Variants in KIDINS220 observed in about 807,000 individuals in gnomAD.
The protein encoded by KIDINS220 is kinase D interacting substrate 220, also known as kinase D-interacting substrate of 220 kDa.
KIDINS220 carries 63 observed loss-of-function variants against 157.6 expected under a neutral mutation model. That is an observed-to-expected ratio of 0.40 (90% CI 0.33 to 0.49). The LOEUF is 0.49. Ranked by LOEUF, KIDINS220 falls within the 20% of genes least tolerant of loss-of-function variation. The pLI is 0.66. For synonymous variants in KIDINS220, 732 were observed against 783.6 expected (o/e 0.93, Z 1.10); for missense variants, 1,772 against 2,171.2 (o/e 0.82, Z 3.65).
rs757018900 is a variant in KIDINS220 at position 8,812,408 on chromosome 2, T to C, written c.491A>G (p.Asn164Ser). The change falls in exon 6 of 30, where the codon AAC becomes AGC. Residue 164 changes from asparagine to serine, a missense_variant. By Grantham distance (46) the Asn-to-Ser change is conservative. Transcript: ENST00000256707. ...HLLLQNGAKV[N>S]CSDKYGTTPL... ...CTGCTGACCTACCTTATCAGAGCAG[T>C]TGACTTTAGCACCATTTTGCAGTAA... The C allele has an allele frequency of 8.8e-6, 14 of 1,595,026 alleles. No individual in the cohort carries two copies. The highest frequency in any genetic ancestry group is 1.1e-5 in the Non-Finnish European group (13 of 1,169,874).
intron 6 of KIDINS220, among the ~76,000 whole-genome samples, chr2:8,807,137 G>A (rs1675561860): frequency 1.3e-5 from 2 of 152,138 alleles, no homozygotes; most frequent in East Asian, 3.9e-4. Flanking sequence ...AGGACACTGA[G>A]GCCCTAAGAG....
In KIDINS220 at chr2:8,812,511, T is replaced by G; in HGVS notation, c.406-18A>C. The G allele has an allele frequency of 1.4e-6, 2 of 1,451,288 alleles. No homozygotes were observed. Among genetic ancestry groups the G allele is most frequent in the Non-Finnish European group, 1.9e-6 (2 of 1,076,246 alleles). The allele number at this position is 1,451,288 out of a possible 1,614,324, so 89.9% of individuals were successfully genotyped here. On this transcript the variant is annotated intron_variant, in intron 5 of 29. Coordinates refer to ENST00000256707, the MANE Select transcript of KIDINS220 (RefSeq NM_020738.4). Reference sequence around the variant, plus strand: ...ACACTGTACTGCTAGGATAGATTGGTTGGTAGGTAGGTAGATAAGTAGGAA... The same window carrying G: ...ACACTGTACTGCTAGGATAGATTGGGTGGTAGGTAGGTAGATAAGTAGGAA...
At chr2:8,785,024 T>C (rs1178336879) in intron 17 of KIDINS220, among the ~76,000 whole-genome samples, 1 of 152,190 alleles carries the variant, frequency 6.6e-6, no homozygotes, top group Non-Finnish European at 1.5e-5. Context: ...AGTAGATAAA[T>C]GTATAAATGA....
rs755360422 is a variant in KIDINS220, at chr2:8,731,971, G to T, written c.4065C>A (p.Arg1355=). 1.3e-6 allele frequency: 2 copies of T among 1,573,256 alleles called. No individual in the cohort carries two copies. Among genetic ancestry groups the T allele is most frequent in the Non-Finnish European group, 1.7e-6 (2 of 1,162,180 alleles). Residue 1355 remains arginine (R), a synonymous_variant, in exon 30 of 30, where the codon CGC becomes CGA. Coordinates refer to ENST00000256707, the MANE Select transcript of KIDINS220 (RefSeq NM_020738.4). This position sits in a 1 kb window ranked among gnomAD's most constrained non-coding sequence, Gnocchi z 5.2. ...HSNLSWQSQT[R]RTPSLSSLNS... ...TGAGACTCGAAAGACTTGGGGTTCT[G>T]CGAGTTTGTGACTGTGAAGACAGAA...
intron 22 of KIDINS220, chr2:8,757,752 A>G (rs555514843): frequency 3.7e-6 from 6 of 1,611,962 alleles, no homozygotes; most frequent in South Asian, 2.2e-5. Context: ...GGAAATGCCA[A>G]TTCGGTCTCG....
chr2:8,836,514 C>A (rs1558519194), intron 1 of KIDINS220, among the ~76,000 whole-genome samples: 1 of 152,346 alleles, frequency 6.6e-6, no homozygotes, highest in South Asian at 2.1e-4. Flanking sequence ...AATCCCATTC[C>A]CTAGATCTGG....
chr2:8,827,429 C>T (rs774309691), intron 1 of KIDINS220, among the ~76,000 whole-genome samples: 2 of 152,166 alleles, frequency 1.3e-5, no homozygotes, highest in Non-Finnish European at 2.9e-5. Flanking sequence ...TGCCAGTAAA[C>T]GGCAGCTCCA....
intron 17 of KIDINS220, among the ~76,000 whole-genome samples, chr2:8,781,841 G>C (rs891580506): frequency 1.3e-5 from 2 of 152,230 alleles, no homozygotes; most frequent in African/African-American, 4.8e-5. Context: ...CAGTAATCTG[G>C]CTGGGTGCAG....
At chr2:8,813,051 C>T (rs982890263) in intron 5 of KIDINS220, among the ~76,000 whole-genome samples, 186 bp downstream of exon 5, 14 of 152,240 alleles carry the variant, frequency 9.2e-5, no homozygotes, top group African/African-American at 3.4e-4. Flanking sequence ...TTGCTGACAA[C>T]AATTGAGAAA....
At chr2:8,791,321 T>A in intron 12 of KIDINS220, 97 bp from the exon 13 acceptor site, 1 of 1,120,276 alleles carries the variant, frequency 8.9e-7, no homozygotes, top group Non-Finnish European at 1.3e-6. Flanking sequence ...GAGAAAAAAA[T>A]TATTTCAAAT....
intron 26 of KIDINS220, among the ~76,000 whole-genome samples, chr2:8,741,045 G>A (rs181948261): frequency 9.2e-4 from 140 of 152,120 alleles, no homozygotes; most frequent in Middle Eastern, 6.8e-3. Context: ...TTACACTATC[G>A]ACCTTATTAT....
chr2:8,762,693 C>T (rs1169310163), intron 22 of KIDINS220, among the ~76,000 whole-genome samples: 1 of 151,984 alleles, frequency 6.6e-6, no homozygotes, highest in Non-Finnish European at 1.5e-5. Context: ...GAGCCGAGAT[C>T]GCGCCACTGC....
chr2:8,777,433 G>A (rs916071097), intron 20 of KIDINS220, among the ~76,000 whole-genome samples: 5 of 152,008 alleles, frequency 3.3e-5, no homozygotes, highest in African/African-American at 9.7e-5. Context: ...TGAGTAGCTG[G>A]GACTACAGGC....
chr2:8,774,593 C>T (rs1034008399), intron 21 of KIDINS220, among the ~76,000 whole-genome samples: 9 of 151,970 alleles, frequency 5.9e-5, no homozygotes, highest in African/African-American at 2.2e-4. Context: ...ATGCATATAT[C>T]CAAAGAACAA....
chr2:8,822,818 A>G (rs1458692156), intron 2 of KIDINS220, among the ~76,000 whole-genome samples: 1 of 152,156 alleles, frequency 6.6e-6, no homozygotes, highest in African/African-American at 2.4e-5. Context: ...TCACTACTCT[A>G]TAAAGGACAA....
chr2:8,813,194 C>A, intron 5 of KIDINS220, 43 bp downstream of exon 5: 1 of 1,396,996 alleles, frequency 7.2e-7, no homozygotes, highest in Non-Finnish European at 1.0e-6. Context: ...CCTAAGAAAA[C>A]TTACCACTTA....
rs570001224 is a variant in KIDINS220 at position 8,833,503 on chromosome 2, C to T, written c.-37+3977G>A. 3.0e-5 allele frequency among the ~76,000 whole-genome samples: 4 copies of T among 132,816 alleles called. No homozygotes were observed. In the South Asian group the frequency reaches 9.5e-4, roughly 31 times the overall value. The allele number at this position is 132,816 out of a possible 152,430, so 87.1% of individuals were successfully genotyped here. On this transcript the variant is annotated intron_variant, in intron 1 of 29. Coordinates refer to ENST00000256707, the MANE Select transcript of KIDINS220 (RefSeq NM_020738.4). ...TCTTTTTTTTTTTTTTTTTTAGCTA[C>T]ACCTGCTGGAATGGGACATATTTAC... is the stretch of plus-strand genomic sequence containing the variant.
At chr2:8,747,404 T>A in intron 25 of KIDINS220, 1 of 569,334 alleles carries the variant, frequency 1.8e-6, no homozygotes, top group South Asian at 2.3e-5. Flanking sequence ...TCTAATATTT[T>A]GGGCACAAAT....
chr2:8,835,803 A>G (rs929728863), intron 1 of KIDINS220, among the ~76,000 whole-genome samples: 2 of 152,194 alleles, frequency 1.3e-5, no homozygotes, highest in African/African-American at 4.8e-5. Flanking sequence ...ACTGTCTTCT[A>G]AACAGCCCTG....
Sources: allele counts gnomAD v4.1 joint callset (sites outside exome capture counted in the v4.1 genomes callset), GRCh38; gene constraint gnomAD v4.1.1; non-coding constraint Gnocchi (gnomAD v3.1); transcripts MANE v1.5; gene names NCBI Gene and HGNC (gene_info 2026-07-23, HGNC 2026-07-21).